SRGAP2: variants seen among roughly 807,000 people sequenced by gnomAD.
SRGAP2 encodes SLIT-ROBO Rho GTPase-activating protein 2.
A neutral mutation model predicts 57.2 loss-of-function variants in SRGAP2; 15 were observed. The ratio of observed to expected loss-of-function variants is 0.26; its 90% confidence interval spans 0.18 to 0.40. SRGAP2 has a LOEUF of 0.40. Ranked by LOEUF, SRGAP2 falls within the 10% of genes least tolerant of loss-of-function variation. The pLI is 1.00. For missense variants in SRGAP2, 520 were observed against 669.6 expected, an observed-to-expected ratio of 0.78 and a Z score of 2.47; for synonymous variants, 249 against 248.0, an observed-to-expected ratio of 1.00 and a Z score of -0.04.
At chr1:206,323,451 G>A (rs1473539845) in intron 3 of SRGAP2, among the ~76,000 whole-genome samples, 4 of 148,338 alleles carry the variant, frequency 2.7e-5, no homozygotes, top group African/African-American at 9.8e-5. Context: ...GGCCAGCCCT[G>A]TCTCTAAGCA....
intron 4 of SRGAP2, among the ~76,000 whole-genome samples, chr1:206,364,358 A>G (rs1165456846): frequency 7.4e-6 from 1 of 135,108 alleles, no homozygotes; most frequent in Non-Finnish European, 1.5e-5. Context: ...GCTGGAGTGC[A>G]GTGCGCGATC....
intron 19 of SRGAP2, among the ~76,000 whole-genome samples, chr1:206,451,756 G>A (rs1663325502): frequency 6.6e-6 from 1 of 152,264 alleles, no homozygotes; most frequent in African/African-American, 2.4e-5. Flanking sequence ...TAGTGAAAAA[G>A]ATATGGCCGC....
intron 5 of SRGAP2, among the ~76,000 whole-genome samples, chr1:206,389,642 C>T (rs1165941938): frequency 2.6e-5 from 4 of 152,108 alleles, no homozygotes; most frequent in African/African-American, 7.2e-5. Flanking sequence ...ACCTGCTTTT[C>T]GGCTTCAGCT....
rs372050451 is a variant in SRGAP2, at chr1:206,432,696, A to T, written c.1555+2474A>T. Among the ~76,000 whole-genome samples, 4 of 152,350 alleles carry T rather than the reference A, an allele frequency of 2.6e-5. No homozygotes were observed. The East Asian group carries it at 7.7e-4, about 29-fold the overall frequency. On this transcript the variant is annotated intron_variant, in intron 14 of 22. Transcript: ENST00000573034. ...GTCTATATCATGTAGAATACTACAG[A>T]TGCTCCTCGGCCTCTAATGGGGTTA... is the stretch of plus-strand genomic sequence containing the variant.
intron 11 of SRGAP2, among the ~76,000 whole-genome samples, chr1:206,417,285 G>T (rs1196061036): frequency 6.6e-6 from 1 of 151,704 alleles, no homozygotes; most frequent in Non-Finnish European, 1.5e-5. Context: ...TGTATTTTCA[G>T]TTGAGATGGG....
At chr1:206,227,632 T>C (rs1428908277) in intron 2 of SRGAP2, among the ~76,000 whole-genome samples, 4 of 152,102 alleles carry the variant, frequency 2.6e-5, no homozygotes, top group African/African-American at 9.7e-5. Context: ...CTCTTCCTCA[T>C]TCCTCTTCTC....
At chr1:206,249,522 T>C (rs1195407613) in intron 2 of SRGAP2, among the ~76,000 whole-genome samples, 2 of 151,126 alleles carry the variant, frequency 1.3e-5, no homozygotes, top group Non-Finnish European at 2.9e-5. Context: ...ATGTTCTCAC[T>C]CATAAGTGGG....
chr1:206,218,157 A>C (rs536343868), intron 2 of SRGAP2, among the ~76,000 whole-genome samples: 1 of 152,132 alleles, frequency 6.6e-6, no homozygotes, highest in African/African-American at 2.4e-5. Context: ...AAAAATACAA[A>C]AATTAGCTGG....
At chr1:206,433,563 C>A (rs936755961) in intron 14 of SRGAP2, among the ~76,000 whole-genome samples, 2 of 151,690 alleles carry the variant, frequency 1.3e-5, no homozygotes, top group African/African-American at 4.8e-5. Context: ...ATCACTCAAA[C>A]CCAGGAGATG....
At chr1:206,447,621 T>C (rs557920890) in intron 18 of SRGAP2, among the ~76,000 whole-genome samples, 1 of 152,322 alleles carries the variant, frequency 6.6e-6, no homozygotes, top group South Asian at 2.1e-4. Context: ...TACTGGATGA[T>C]GAGCTCCAGG....
At chr1:206,412,183 A>G (rs1427306499) in intron 10 of SRGAP2, among the ~76,000 whole-genome samples, 1 of 152,238 alleles carries the variant, frequency 6.6e-6, no homozygotes, top group Non-Finnish European at 1.5e-5. Context: ...AAAAGTTATT[A>G]TGTTAATACT....
At chr1:206,452,491 A>G (rs1252037233) in intron 19 of SRGAP2, among the ~76,000 whole-genome samples, 1 of 152,240 alleles carries the variant, frequency 6.6e-6, no homozygotes, top group African/African-American at 2.4e-5. Context: ...TGGAATTATT[A>G]TATAATTAGA....
chr1:206,377,120 C>CT (rs1322615241), intron 4 of SRGAP2, among the ~76,000 whole-genome samples: 1 of 152,088 alleles, frequency 6.6e-6, no homozygotes, highest in Non-Finnish European at 1.5e-5. Flanking sequence ...TTTTTTTAGA[C>CT]TAAGTTTTTC....
rs782213664 is a variant in SRGAP2 at position 206,458,355 on chromosome 1, A to C, written c.2508-268A>C. 31 of 643,720 alleles carry C rather than the reference A, an allele frequency of 4.8e-5. 1 individual carries two copies. Among genetic ancestry groups the C allele is most frequent in the South Asian group, 4.5e-4 (30 of 66,140 alleles). 39.9% of individuals were successfully genotyped at this position (643,720 alleles called of 1,614,324 possible). ...CCATTAGAAACCTTCGCTTAATCAG[A>C]CATTTTTTCTGACAGCAACTTACAT... On this transcript the variant is annotated intron_variant, in intron 21 of 22. Coordinates refer to ENST00000573034, the MANE Select transcript of SRGAP2 (RefSeq NM_015326.5).
chr1:206,416,067 C>T (rs1307973602), intron 11 of SRGAP2, 94 bp downstream of exon 11: 12 of 653,636 alleles, frequency 1.8e-5, no homozygotes, highest in Non-Finnish European at 2.2e-5. Flanking sequence ...CAAGTGGACC[C>T]GATCTTGTTG....
intron 3 of SRGAP2, among the ~76,000 whole-genome samples, chr1:206,339,738 A>T (rs1571899746): frequency 6.7e-6 from 1 of 148,644 alleles, no homozygotes; most frequent in Non-Finnish European, 1.5e-5. Context: ...TGCTGTAAGG[A>T]TGGAAATAAA....
Position 206,453,196 on chromosome 1 carries a change from T to C in SRGAP2, c.2180-4T>C. ...TGTGTTTACTTCTTTTCCACCCTTC[T>C]CAGAATGTGAGCCCATCGAGGCCAT... On this transcript the variant is annotated splice_region_variant and splice_polypyrimidine_tract_variant and intron_variant, in intron 19 of 22. Transcript: ENST00000573034. The C allele has an allele frequency of 2.0e-6, 1 of 507,290 alleles. No homozygotes were observed. 31.4% of individuals were successfully genotyped at this position (507,290 alleles called of 1,614,324 possible). A position where few individuals can be genotyped will look rare whatever the true frequency, so the allele number is the denominator to read the frequency against.
intron 4 of SRGAP2, among the ~76,000 whole-genome samples, chr1:206,371,330 T>C (rs1192091028): frequency 1.3e-5 from 2 of 150,634 alleles, no homozygotes; most frequent in Non-Finnish European, 3.0e-5. Flanking sequence ...CCAGCAGACT[T>C]GCACTAAAAG....
chr1:206,312,715 A>G (rs1672749801), intron 3 of SRGAP2, among the ~76,000 whole-genome samples: 1 of 152,172 alleles, frequency 6.6e-6, no homozygotes, highest in African/African-American at 2.4e-5. Context: ...ATCCCTGTGA[A>G]TTGTGGGAAG....
Sources: allele counts gnomAD v4.1 joint callset (sites outside exome capture counted in the v4.1 genomes callset), GRCh38; gene constraint gnomAD v4.1.1; transcripts MANE v1.5; gene names NCBI Gene and HGNC (gene_info 2026-07-23, HGNC 2026-07-21).